Variants in INPP4B observed in about 807,000 individuals in gnomAD.
The protein encoded by INPP4B is inositol polyphosphate-4-phosphatase type II B, also known as inositol polyphosphate 4-phosphatase type II.
INPP4B carries 55 observed loss-of-function variants against 122.5 expected under a neutral mutation model. The ratio of observed to expected loss-of-function variants is 0.45; its 90% confidence interval spans 0.36 to 0.56. The LOEUF (loss-of-function observed/expected upper bound fraction) is 0.56. Ranked by LOEUF, INPP4B falls within the 20% of genes least tolerant of loss-of-function variation. The pLI is 0.00. For missense variants in INPP4B, 1,000 were observed against 1,097.7 expected (o/e 0.91, Z 1.26); for synonymous variants, 403 against 388.7 (o/e 1.04, Z -0.43).
chr4:142,677,912 C>A (rs946633038), intron 2 of INPP4B, among the ~76,000 whole-genome samples: 1 of 145,526 alleles, frequency 6.9e-6, no homozygotes, highest in African/African-American at 2.5e-5. Context: ...GATGGTGCAG[C>A]AAACCACTAT....
intron 7 of INPP4B, among the ~76,000 whole-genome samples, chr4:142,333,430 A>C (rs1235768188): frequency 1.3e-5 from 2 of 152,224 alleles, no homozygotes; most frequent in Admixed American, 6.5e-5. Flanking sequence ...TAAAAGACCA[A>C]ATCTTTCCTT....
At chr4:142,397,610 C>A (rs1372405420) in intron 7 of INPP4B, among the ~76,000 whole-genome samples, 1 of 151,986 alleles carries the variant, frequency 6.6e-6, no homozygotes, top group East Asian at 1.9e-4. Flanking sequence ...GAGGCCGAAG[C>A]GGACGGATCA....
At chr4:142,614,208 C>T (rs1743205138) in intron 2 of INPP4B, among the ~76,000 whole-genome samples, 1 of 152,146 alleles carries the variant, frequency 6.6e-6, no homozygotes, top group East Asian at 1.9e-4. Flanking sequence ...GGTGACAGAG[C>T]AAGACTCTGT....
chr4:142,565,955 G>A (rs1580383081), intron 2 of INPP4B: 1 of 152,158 alleles, frequency 6.6e-6, no homozygotes, highest in Admixed American at 6.5e-5. Flanking sequence ...CCTAGTATAA[G>A]AGACACACCA....
chr4:142,227,469 TA>T (rs1472080605), intron 12 of INPP4B, among the ~76,000 whole-genome samples: 3 of 152,076 alleles, frequency 2.0e-5, no homozygotes, highest in Non-Finnish European at 2.9e-5. Context: ...GAAAGAACAT[TA>T]AAAATATAAT....
intron 2 of INPP4B, among the ~76,000 whole-genome samples, chr4:142,595,487 G>A (rs959305374): frequency 6.6e-6 from 1 of 152,214 alleles, no homozygotes; most frequent in Non-Finnish European, 1.5e-5. Context: ...TAGCATGATG[G>A]AATGTCAAAG....
At chr4:142,718,183 G>A (rs764452593) in intron 2 of INPP4B, among the ~76,000 whole-genome samples, 1 of 152,120 alleles carries the variant, frequency 6.6e-6, no homozygotes, top group Non-Finnish European at 1.5e-5. Flanking sequence ...TCAGATTGAG[G>A]TGTTTGAATT....
intron 7 of INPP4B, among the ~76,000 whole-genome samples, chr4:142,338,866 C>G (rs1349658703): frequency 6.6e-6 from 1 of 152,108 alleles, no homozygotes; most frequent in African/African-American, 2.4e-5. Flanking sequence ...GGAGCACGGG[C>G]TCTGTGAACT....
At chr4:142,212,901 C>T (rs769494499) in intron 12 of INPP4B, among the ~76,000 whole-genome samples, 2 of 152,112 alleles carry the variant, frequency 1.3e-5, no homozygotes, top group African/African-American at 4.8e-5. Flanking sequence ...GGCATATTTC[C>T]CAATCCTAGA....
chr4:142,715,243 T>C (rs1042804848), intron 2 of INPP4B, among the ~76,000 whole-genome samples: 2 of 152,198 alleles, frequency 1.3e-5, no homozygotes, highest in Non-Finnish European at 2.9e-5. Flanking sequence ...AATAGAACCA[T>C]GAGATGATTA....
intron 7 of INPP4B, among the ~76,000 whole-genome samples, chr4:142,379,991 G>GT (rs1793498206): frequency 6.6e-6 from 1 of 152,180 alleles, no homozygotes; most frequent in Admixed American, 6.5e-5. Context: ...CTTGAAAGTC[G>GT]TAAGAATGAA....
chr4:142,485,635 T>C (rs894490802), intron 2 of INPP4B, among the ~76,000 whole-genome samples: 5 of 152,086 alleles, frequency 3.3e-5, no homozygotes, highest in African/African-American at 7.2e-5. Flanking sequence ...TTTTGTAAGA[T>C]CCATTGCACA....
Position 142,687,555 on chromosome 4 carries a change from C to T in INPP4B, c.-191+38284G>A, listed in dbSNP as rs533090462. On this transcript the variant is annotated intron_variant, in intron 2 of 25. Coordinates refer to ENST00000262992, the MANE Select transcript of INPP4B (RefSeq NM_001101669.3). The stretch of plus-strand genomic sequence containing the variant: ...TTTTTTTTCTTTCCCAATTATCCTT[C>T]CTCCAAAAAAAAAAAAAAAAAAAAA... Among the ~76,000 whole-genome samples, 3 of 71,024 alleles carry T rather than the reference C, an allele frequency of 4.2e-5. No individual in the cohort carries two copies. The South Asian group carries it at 1.7e-3, about 40-fold the overall frequency. The allele number at this position is 71,024 out of a possible 152,430, so 46.6% of individuals were successfully genotyped here.
chr4:142,821,319 T>C (rs1780767462), intron 1 of INPP4B, among the ~76,000 whole-genome samples: 1 of 152,126 alleles, frequency 6.6e-6, no homozygotes, highest in African/African-American at 2.4e-5. Flanking sequence ...ATTTATATTT[T>C]AGTTAGTTTT....
intron 2 of INPP4B, among the ~76,000 whole-genome samples, chr4:142,541,103 A>G (rs987908154): frequency 1.3e-5 from 2 of 152,240 alleles, no homozygotes; most frequent in Non-Finnish European, 2.9e-5. Flanking sequence ...TGATTTTGTC[A>G]TAACAAGTAT....
intron 18 of INPP4B, among the ~76,000 whole-genome samples, chr4:142,138,299 C>T (rs1016065765): frequency 3.4e-5 from 5 of 148,392 alleles, no homozygotes; most frequent in Non-Finnish European, 4.4e-5. Flanking sequence ...AAAAACCAAA[C>T]ACCGCATGTT....
chr4:142,195,257 A>G (rs983837708), intron 14 of INPP4B, among the ~76,000 whole-genome samples: 23 of 152,246 alleles, frequency 1.5e-4, no homozygotes, highest in African/African-American at 5.5e-4. Context: ...AGCAGAGAAT[A>G]TAATGGTGGC....
rs540170292 is a variant in INPP4B, at chr4:142,769,920, A to C, written c.-253-44019T>G. ...CAGAGTGAGACCCTGTCTCAAAAAA[A>C]TAAAAAATAAAATCATAAAAGTAAA... On this transcript the variant is annotated intron_variant, in intron 1 of 25. Transcript: ENST00000262992. 4.6e-5 allele frequency among the ~76,000 whole-genome samples: 7 copies of C among 152,288 alleles called. No individual in the cohort carries two copies. The East Asian group carries it at 1.4e-3, about 29-fold the overall frequency.
At chr4:142,501,182 G>C (rs1823327059) in intron 2 of INPP4B, among the ~76,000 whole-genome samples, 1 of 152,126 alleles carries the variant, frequency 6.6e-6, no homozygotes, top group Non-Finnish European at 1.5e-5. Context: ...ATGTTCACTA[G>C]GTCATCAGGT....
Sources: gnomAD v4.1 joint callset for allele counts (sites outside exome capture counted in the v4.1 genomes callset) on GRCh38, gnomAD v4.1.1 for gene constraint, MANE v1.5 for transcripts, NCBI Gene and HGNC (gene_info 2026-07-23, HGNC 2026-07-21) for gene names.